Variants in CEACAM6 observed in about 807,000 individuals in gnomAD.
The protein encoded by CEACAM6 is cell adhesion molecule CEACAM6.
A neutral mutation model predicts 32.4 loss-of-function variants in CEACAM6; 21 were observed. That is an observed-to-expected ratio of 0.65 (90% confidence interval 0.46 to 0.93). The LOEUF is 0.93. CEACAM6 is among the 40% of genes least tolerant of loss of function. The pLI is 0.00. For synonymous variants in CEACAM6, 184 were observed against 174.4 expected, an observed-to-expected ratio of 1.06 and a Z score of -0.43; for missense variants, 406 against 432.2, an observed-to-expected ratio of 0.94 and a Z score of 0.54.
Position 41,756,772 on chromosome 19 carries a change from T to C in CEACAM6, c.237T>C (p.Ile79=), listed in dbSNP as rs1555821157. 1.2e-6 allele frequency: 2 copies of C among 1,613,898 alleles called. No homozygotes were observed. Among genetic ancestry groups the C allele is most frequent in the African/African-American group, 1.3e-5 (1 of 74,832 alleles). The part of the protein sequence containing the change: ...KGERVDGNSL[I]VGYVIGTQQA... ...AAAGAGTGGATGGCAACAGTCTAAT[T>C]GTAGGATATGTAATAGGAACTCAAC... The change falls in exon 2 of 6, where the codon ATT becomes ATC. Residue 79 remains isoleucine, a synonymous_variant. Coordinates refer to ENST00000199764, the MANE Select transcript of CEACAM6 (RefSeq NM_002483.7).
intron 4 of CEACAM6, among the ~76,000 whole-genome samples, chr19:41,765,733 C>T (rs182507228): frequency 6.6e-6 from 1 of 152,280 alleles, no homozygotes; most frequent in African/African-American, 2.4e-5. Flanking sequence ...TGCTTTCTTT[C>T]CCCTGGTGGG....
chr19:41,762,392 T>C (rs1413324176), intron 4 of CEACAM6, among the ~76,000 whole-genome samples, 169 bp downstream of exon 4: 1 of 152,078 alleles, frequency 6.6e-6, no homozygotes, highest in African/African-American at 2.4e-5. Context: ...TTTCCCCTTG[T>C]TTTTTTGTTT....
chr19:41,759,899 CT>C (rs1555821611), intron 2 of CEACAM6, among the ~76,000 whole-genome samples: 1 of 152,212 alleles, frequency 6.6e-6, no homozygotes. Context: ...AAATCTAACA[CT>C]TTTTGACCAC....
intron 5 of CEACAM6, 143 bp from the exon 6 acceptor site, chr19:41,770,659 A>G (rs1156609183): frequency 6.6e-6 from 1 of 152,226 alleles, no homozygotes; most frequent in Admixed American, 6.5e-5. Flanking sequence ...TTATTTGGAA[A>G]ACAAATATGT....
chr19:41,761,859 G>A, intron 3 of CEACAM6, 110 bp from the exon 4 acceptor site: 2 of 1,376,912 alleles, frequency 1.5e-6, no homozygotes, highest in Non-Finnish European at 2.0e-6. Context: ...GTTTGGTTGA[G>A]ACTTCAGGGT....
At chr19:41,757,025 A>G in intron 2 of CEACAM6, 66 bp downstream of exon 2, 3 of 1,547,204 alleles carry the variant, frequency 1.9e-6, no homozygotes, top group Non-Finnish European at 2.6e-6. Context: ...CGGGATTGTC[A>G]GGCCTGGGTT....
At chr19:41,755,920 AATC>A (rs1421235847) in intron 1 of CEACAM6, among the ~76,000 whole-genome samples, 1 of 152,234 alleles carries the variant, frequency 6.6e-6, no homozygotes, top group African/African-American at 2.4e-5. Flanking sequence ...TTTCCAAGTT[AATC>A]ATCATTTGTC....
chr19:41,758,827 AG>A (rs1458766123), intron 2 of CEACAM6, among the ~76,000 whole-genome samples: 1 of 152,124 alleles, frequency 6.6e-6, no homozygotes, highest in Non-Finnish European at 1.5e-5. Flanking sequence ...CCCACATCCC[AG>A]GCAACAGAGA....
intron 4 of CEACAM6, among the ~76,000 whole-genome samples, chr19:41,763,829 A>T (rs954597787): frequency 6.6e-6 from 1 of 152,220 alleles, no homozygotes; most frequent in Non-Finnish European, 1.5e-5. Flanking sequence ...CAACAACTCC[A>T]ACCCTGTAGA....
At chr19:41,761,898 C>A in intron 3 of CEACAM6, 71 bp from the exon 4 acceptor site, 1 of 1,568,104 alleles carries the variant, frequency 6.4e-7, no homozygotes, top group South Asian at 1.2e-5. Flanking sequence ...GACACCGTGG[C>A]CCTTCCACAG....
At chr19:41,761,868 G>T in intron 3 of CEACAM6, 101 bp from the exon 4 acceptor site, 2 of 1,441,360 alleles carry the variant, frequency 1.4e-6, no homozygotes, top group South Asian at 2.6e-5. Flanking sequence ...AGACTTCAGG[G>T]TTGTGACATG....
rs782814407 is a variant in CEACAM6, at chr19:41,756,711, C to A, written c.176C>A (p.Pro59His). The A allele has an allele frequency of 6.2e-6, 10 of 1,614,068 alleles. No individual in the cohort carries two copies. In the South Asian group the frequency reaches 1.1e-4, roughly 18 times the overall value. Residue 59 changes from proline to histidine, a missense_variant, in exon 2 of 6, where the codon CCC becomes CAC. Coordinates refer to ENST00000199764, the MANE Select transcript of CEACAM6 (RefSeq NM_002483.7). ...GTTCTTCTACTCGCCCACAACCTGC[C>A]CCAGAATCGTATTGGTTACAGCTGG... ...KEVLLLAHNLPQNRIGYSWYK... is the reference protein window; with the variant it reads ...KEVLLLAHNLHQNRIGYSWYK...
intron 5 of CEACAM6, among the ~76,000 whole-genome samples, chr19:41,768,872 A>G (rs892665462): frequency 6.6e-6 from 1 of 152,152 alleles, no homozygotes; most frequent in African/African-American, 2.4e-5. Flanking sequence ...ATGTTTAACC[A>G]TACTCATTTT....
intron 1 of CEACAM6, 95 bp from the exon 2 acceptor site, chr19:41,756,505 G>T: frequency 1.3e-6 from 2 of 1,502,760 alleles, no homozygotes; most frequent in Middle Eastern, 2.1e-4. Context: ...CTCCAACGTG[G>T]AGGGGTGAAG....
At position 41,762,140 on chromosome 19, in the gene CEACAM6, A is replaced by T. The variant is rs1555821985; in HGVS notation, c.875A>T (p.Asn292Ile). 1 of 1,614,198 alleles carries T rather than the reference A, an allele frequency of 6.2e-7. No homozygotes were observed. The highest frequency in any genetic ancestry group is 8.5e-7 in the Non-Finnish European group (1 of 1,180,040). ...CTCTTTATCCCCAACATCACTGTGA[A>T]TAATAGCGGATCCTATATGTGCCAA... ...QELFIPNITV[N>I]NSGSYMCQAH... The change falls in exon 4 of 6, where the codon AAT (asparagine) becomes ATT (isoleucine). Residue 292 changes from asparagine to isoleucine, a missense_variant. Transcript: ENST00000199764.
In CEACAM6 at chr19:41,755,707, G is replaced by A; in HGVS notation, c.64+5G>A. ...GGAAGGAGGTCCTGCTCACAGGTGAGGGGAGGACTCCCTCGGAGTGGATGG... is the reference window on the plus strand; with the variant it reads ...GGAAGGAGGTCCTGCTCACAGGTGAAGGGAGGACTCCCTCGGAGTGGATGG... On this transcript the variant is annotated splice_donor_5th_base_variant and intron_variant, in intron 1 of 5. Transcript: ENST00000199764. 6.2e-7 allele frequency: 1 copy of A among 1,602,264 alleles called. No individual in the cohort carries two copies. Among genetic ancestry groups the A allele is most frequent in the Non-Finnish European group, 8.5e-7 (1 of 1,175,432 alleles).
intron 1 of CEACAM6, 40 bp from the exon 2 acceptor site, chr19:41,756,560 T>C: frequency 6.3e-7 from 1 of 1,589,012 alleles, no homozygotes; most frequent in Admixed American, 1.7e-5. Flanking sequence ...CCCTAATGCA[T>C]AGGTCCCAAT....
chr19:41,756,533 A>G, intron 1 of CEACAM6, 67 bp from the exon 2 acceptor site: 1 of 1,557,680 alleles, frequency 6.4e-7, no homozygotes, highest in Non-Finnish European at 8.7e-7. Flanking sequence ...CTCAGGACCC[A>G]GGGCCCTGTT....
In CEACAM6 at chr19:41,770,255, C is replaced by CAAA. The variant is rs1158293587; in HGVS notation, c.*41-528_*41-526dup. On this transcript the variant is annotated intron_variant, in intron 5 of 5. Coordinates refer to ENST00000199764, the MANE Select transcript of CEACAM6 (RefSeq NM_002483.7). Reference sequence around the variant, plus strand: ...CAAAACCTCGTCTCTGCTAAAAATACAAAAAAAAAAAAAAAAAAAAAGCTA... The same window carrying CAAA: ...CAAAACCTCGTCTCTGCTAAAAATACAAAAAAAAAAAAAAAAAAAAAAAAGCTA... Among the ~76,000 whole-genome samples, 174 of 40,498 alleles carry CAAA rather than the reference C, an allele frequency of 4.3e-3. 5 individuals carry two copies. The highest frequency in any genetic ancestry group is 0.011 in the African/African-American group (167 of 14,696). 26.6% of individuals were successfully genotyped at this position (40,498 alleles called of 152,430 possible). A position where few individuals can be genotyped will look rare whatever the true frequency, so the allele number is the denominator to read the frequency against.
Sources: gnomAD v4.1 joint callset for allele counts (sites outside exome capture counted in the v4.1 genomes callset) on GRCh38, gnomAD v4.1.1 for gene constraint, MANE v1.5 for transcripts, NCBI Gene and HGNC (gene_info 2026-07-23, HGNC 2026-07-21) for gene names.